Variants in ALCAM observed in about 807,000 individuals in gnomAD.
ALCAM encodes CD166 antigen.
Under a neutral mutation model 70.9 loss-of-function variants are expected in ALCAM, and 30 were observed. That is an observed-to-expected ratio of 0.42 (90% CI 0.32 to 0.57). The LOEUF is 0.57. Ranked by LOEUF, ALCAM falls within the 20% of genes least tolerant of loss-of-function variation. ALCAM has a pLI of 0.11. For missense variants in ALCAM, 591 were observed against 695.1 expected, an observed-to-expected ratio of 0.85 and a Z score of 1.68; for synonymous variants, 249 against 242.5, an observed-to-expected ratio of 1.03 and a Z score of -0.25.
intron 1 of ALCAM, among the ~76,000 whole-genome samples, chr3:105,453,299 G>A (rs941780427): frequency 8.5e-5 from 13 of 152,130 alleles, no homozygotes; most frequent in Middle Eastern, 3.4e-3. Context: ...ATGGCTAGCC[G>A]GTTTTCCCAG....
Position 105,477,177 on chromosome 3 carries a change from A to G in ALCAM, c.74-42890A>G, listed in dbSNP as rs74848984. Among the ~76,000 whole-genome samples, 150 of 152,230 alleles carry G rather than the reference A, an allele frequency of 9.9e-4. 3 individuals are homozygous for G. In the East Asian group the frequency reaches 0.028, roughly 29 times the overall value. On this transcript the variant is annotated intron_variant, in intron 1 of 15. Transcript: ENST00000306107. The stretch of plus-strand genomic sequence containing the variant: ...CATGAAAATGAACTAATACAAATGT[A>G]TATGTATTTTAGAAAAATTGAAAAG...
At chr3:105,485,556 G>A (rs751988708) in intron 1 of ALCAM, among the ~76,000 whole-genome samples, 4 of 151,840 alleles carry the variant, frequency 2.6e-5, no homozygotes, top group African/African-American at 4.8e-5. Context: ...AAGTGGAAAC[G>A]TTTGATCAAC....
At position 105,378,042 on chromosome 3, in the gene ALCAM, T is replaced by C. The variant is rs183922281; in HGVS notation, c.73+10561T>C. On this transcript the variant is annotated intron_variant, in intron 1 of 15. Transcript: ENST00000306107. ...AAGTTTAAGCCTTAAGTAAATCATC[T>C]TTTGAACAATTCTTCCAACAAAGCT... Among the ~76,000 whole-genome samples, 5 of 152,128 alleles carry C rather than the reference T, an allele frequency of 3.3e-5. No homozygotes were observed. The East Asian group carries it at 9.6e-4, about 29-fold the overall frequency.
intron 1 of ALCAM, among the ~76,000 whole-genome samples, chr3:105,448,269 C>G (rs933698582): frequency 6.6e-6 from 1 of 152,060 alleles, no homozygotes; most frequent in Non-Finnish European, 1.5e-5. Flanking sequence ...TTTTATAAAA[C>G]CCTAAAGAAT....
At chr3:105,470,234 A>G (rs1488961377) in intron 1 of ALCAM, among the ~76,000 whole-genome samples, 1 of 150,680 alleles carries the variant, frequency 6.6e-6, no homozygotes, top group Non-Finnish European at 1.5e-5. Context: ...ACGTCTGTCT[A>G]CAATTTTTAC....
At chr3:105,428,299 A>T (rs1041758892) in intron 1 of ALCAM, among the ~76,000 whole-genome samples, 7 of 152,010 alleles carry the variant, frequency 4.6e-5, no homozygotes, top group Non-Finnish European at 7.4e-5. Flanking sequence ...AAGCCTAAAA[A>T]GAAAATCATG....
chr3:105,536,597 A>T (rs978345631), intron 6 of ALCAM, among the ~76,000 whole-genome samples: 3 of 152,142 alleles, frequency 2.0e-5, no homozygotes, highest in Non-Finnish European at 4.4e-5. Flanking sequence ...AAATGATTTT[A>T]TCATGCTGGC....
intron 1 of ALCAM, among the ~76,000 whole-genome samples, chr3:105,516,999 GTTTCTTC>G (rs1448114753): frequency 6.6e-6 from 1 of 152,084 alleles, no homozygotes; most frequent in Non-Finnish European, 1.5e-5. Flanking sequence ...ATAAAAAGCT[GTTTCTTC>G]TATGAAAAAT....
Position 105,533,608 on chromosome 3 carries a change from T to G in ALCAM, c.465T>G (p.Gly155=), listed in dbSNP as rs1479127536. The G allele has an allele frequency of 6.2e-7, 1 of 1,610,746 alleles. No homozygotes were observed. Among genetic ancestry groups the G allele is most frequent in the Non-Finnish European group, 8.5e-7 (1 of 1,177,766 alleles). The change falls in exon 5 of 16, where the codon GGT becomes GGG. Residue 155 remains glycine, a synonymous_variant. Transcript: ENST00000306107. ...FLETEQLKKL[G]DCISEDSYPD... ...ATTGCCTTTTTATTTTGCAGTTGGG[T>G]GACTGCATTTCAGAAGACAGTTATC...
Position 105,545,499 on chromosome 3 carries a change from T to G in ALCAM, c.1104+164T>G, listed in dbSNP as rs149224477. Among the ~76,000 whole-genome samples the G allele has an allele frequency of 8.9e-3, 1,351 of 151,482 alleles. 18 individuals are homozygous for G. Among genetic ancestry groups the G allele is most frequent in the African/African-American group, 0.031 (1,275 of 41,440 alleles). On this transcript the variant is annotated intron_variant, in intron 9 of 15. Transcript: ENST00000306107. Reference sequence around the variant, plus strand: ...AAGAGAAATAAAATAACAATAAAATTTTAGAGGTGCTCAACACGGTGACAT... The same window carrying G: ...AAGAGAAATAAAATAACAATAAAATGTTAGAGGTGCTCAACACGGTGACAT...
At position 105,402,562 on chromosome 3, in the gene ALCAM, G is replaced by A. The variant is rs114226100; in HGVS notation, c.73+35081G>A. On this transcript the variant is annotated intron_variant, in intron 1 of 15. Coordinates refer to ENST00000306107, the MANE Select transcript of ALCAM (RefSeq NM_001627.4). Reference sequence around the variant, plus strand: ...GGTGGGGCATGGTGGGAGTGAGACCGGCCTTTAGGTGTGCAGGCTGCATGG... The same window carrying A: ...GGTGGGGCATGGTGGGAGTGAGACCAGCCTTTAGGTGTGCAGGCTGCATGG... Among the ~76,000 whole-genome samples, 621 of 152,268 alleles carry A rather than the reference G, an allele frequency of 4.1e-3. 5 individuals are homozygous for A. Among genetic ancestry groups the A allele is most frequent in the African/African-American group, 0.014 (573 of 41,558 alleles).
At chr3:105,551,116 G>A (rs1407298615) in intron 12 of ALCAM, among the ~76,000 whole-genome samples, 3 of 151,572 alleles carry the variant, frequency 2.0e-5, no homozygotes, top group African/African-American at 7.3e-5. Context: ...CTGGGAATTA[G>A]CAAGAGCTAG....
chr3:105,442,159 G>A (rs73181401), intron 1 of ALCAM, among the ~76,000 whole-genome samples: 22,748 of 152,074 alleles, frequency 0.15, 1,809 homozygotes, highest in Middle Eastern at 0.19. Context: ...ATTATTAAGT[G>A]GAGATTATTA....
chr3:105,408,835 A>G (rs576678472), intron 1 of ALCAM, among the ~76,000 whole-genome samples: 2 of 152,164 alleles, frequency 1.3e-5, no homozygotes, highest in South Asian at 4.1e-4. Context: ...ATCTACAAAG[A>G]ATTCAAATAA....
chr3:105,560,716 G>A (rs528315016), intron 14 of ALCAM, among the ~76,000 whole-genome samples: 1 of 152,224 alleles, frequency 6.6e-6, no homozygotes, highest in East Asian at 1.9e-4. Flanking sequence ...GTGAGATAAA[G>A]GTGGGATTTT....
chr3:105,506,104 T>C (rs1391771281), intron 1 of ALCAM, among the ~76,000 whole-genome samples: 2 of 152,224 alleles, frequency 1.3e-5, no homozygotes, highest in Admixed American at 1.3e-4. Flanking sequence ...ATTTATGGAT[T>C]TCTACATAAC....
chr3:105,473,023 C>G (rs961778875), intron 1 of ALCAM, among the ~76,000 whole-genome samples: 1 of 151,392 alleles, frequency 6.6e-6, no homozygotes, highest in African/African-American at 2.4e-5. Context: ...TACTGCAAGA[C>G]TCACATGTTG....
At chr3:105,492,342 A>G (rs1194354893) in intron 1 of ALCAM, among the ~76,000 whole-genome samples, 1 of 152,228 alleles carries the variant, frequency 6.6e-6, no homozygotes, top group East Asian at 1.9e-4. Flanking sequence ...CAGTGAAACC[A>G]TATCACATCT....
chr3:105,427,268 T>C (rs1936813950), intron 1 of ALCAM, among the ~76,000 whole-genome samples: 4 of 151,916 alleles, frequency 2.6e-5, no homozygotes, highest in Admixed American at 2.6e-4. Flanking sequence ...AGGACTCTCA[T>C]TGCCTGTGCT....
Sources: gnomAD v4.1 joint callset for allele counts (sites outside exome capture counted in the v4.1 genomes callset) on GRCh38, gnomAD v4.1.1 for gene constraint, MANE v1.5 for transcripts, NCBI Gene and HGNC (gene_info 2026-07-23, HGNC 2026-07-21) for gene names.